REPS2: variants seen among roughly 807,000 people sequenced by gnomAD.
The protein encoded by REPS2 is ralBP1-associated Eps domain-containing protein 2.
REPS2 carries 23 observed loss-of-function variants against 53.6 expected under a neutral mutation model. The observed-to-expected ratio is 0.43, with a 90% CI of 0.31 to 0.61. The LOEUF (loss-of-function observed/expected upper bound fraction) is 0.61. Among genes scored for constraint, REPS2 ranks in the 20% least tolerant of loss-of-function variants. The pLI, the probability that REPS2 is intolerant of heterozygous loss-of-function variation, is 0.11. For synonymous variants in REPS2, 238 were observed against 218.6 expected, an observed-to-expected ratio of 1.09 and a Z score of -0.78; for missense variants, 446 against 534.9, an observed-to-expected ratio of 0.83 and a Z score of 1.64.
chrX:16,990,376 G>A (rs1904526), intron 1 of REPS2, among the ~76,000 whole-genome samples: 1 of 111,158 alleles, frequency 9.0e-6, no homozygotes, highest in Non-Finnish European at 1.9e-5. Flanking sequence ...TTAAGAGGCC[G>A]AGGCGGGTGA....
chrX:17,146,928 G>A (rs1190640516), intron 17 of REPS2, among the ~76,000 whole-genome samples: 4 of 112,032 alleles, frequency 3.6e-5, no homozygotes, highest in African/African-American at 1.3e-4. Context: ...GCAGAAACTT[G>A]GATGAGACTT....
At chrX:17,001,232 GTCT>G (rs1172836773) in intron 1 of REPS2, among the ~76,000 whole-genome samples, 1 of 112,235 alleles carries the variant, frequency 8.9e-6, no homozygotes, top group African/African-American at 3.2e-5. Context: ...CACTCACATG[GTCT>G]TAAAGTACAA....
At chrX:17,087,900 G>A (rs2062558894) in intron 13 of REPS2, among the ~76,000 whole-genome samples, 2 of 109,205 alleles carry the variant, frequency 1.8e-5, no homozygotes, top group African/African-American at 6.7e-5. Flanking sequence ...CTGCAGCCTG[G>A]GCAAGGACAG....
At chrX:16,963,021 C>T (rs780797784) in intron 1 of REPS2, among the ~76,000 whole-genome samples, 1 of 111,332 alleles carries the variant, frequency 9.0e-6, no homozygotes, top group Non-Finnish European at 1.9e-5. Context: ...ATTGCTTGAG[C>T]CCGAAAGGTA....
intron 9 of REPS2, among the ~76,000 whole-genome samples, chrX:17,067,356 G>T (rs917250590): frequency 2.7e-5 from 3 of 111,903 alleles, no homozygotes; most frequent in Non-Finnish European, 5.6e-5. Context: ...ATTGTGAAAT[G>T]ATTACTGCAA....
At chrX:16,990,847 A>G (rs1419538115) in intron 1 of REPS2, among the ~76,000 whole-genome samples, 2 of 111,052 alleles carry the variant, frequency 1.8e-5, no homozygotes, top group African/African-American at 6.6e-5. Flanking sequence ...TTGTCTCAAA[A>G]GGTTTAATTA....
At position 17,009,881 on chromosome X, in the gene REPS2, C is replaced by T. The variant is rs1311701810; in HGVS notation, c.397+3537C>T. On this transcript the variant is annotated intron_variant, in intron 2 of 17. Transcript: ENST00000357277. ...ACAATCTAGTTCTTGCCTACTTTTC[C>T]ATCCTCATCTCAAATCTTAAACCCT... Among the ~76,000 whole-genome samples the T allele has an allele frequency of 6.3e-5, 7 of 111,340 alleles. No individual in the cohort carries two copies. The South Asian group carries it at 2.3e-3, about 36-fold the overall frequency.
At chrX:17,056,345 C>T (rs1173383278) in intron 8 of REPS2, among the ~76,000 whole-genome samples, 3 of 112,170 alleles carry the variant, frequency 2.7e-5, no homozygotes, top group Admixed American at 9.4e-5. Flanking sequence ...CGAGTGTCTC[C>T]GGGTGGCCCT....
intron 1 of REPS2, among the ~76,000 whole-genome samples, chrX:16,982,680 T>C (rs1401252609): frequency 1.8e-5 from 2 of 112,137 alleles, no homozygotes; most frequent in African/African-American, 3.2e-5. Flanking sequence ...GCCACGGATT[T>C]GCTTTGGCTA....
At chrX:16,999,854 G>A (rs2061280728) in intron 1 of REPS2, among the ~76,000 whole-genome samples, 1 of 106,525 alleles carries the variant, frequency 9.4e-6, no homozygotes. Context: ...AGACCATCCC[G>A]GCTAAAACGG....
chrX:17,187,513 A>G, the REPS2 span, among the ~76,000 whole-genome samples: 15,937 of 111,875 alleles, frequency 0.14, 897 homozygotes, highest in African/African-American at 0.18. Flanking sequence ...GGGCCAAAGA[A>G]ACCCAGCCCT....
intron 1 of REPS2, among the ~76,000 whole-genome samples, chrX:16,976,879 G>A (rs991348510): frequency 9.8e-5 from 11 of 111,804 alleles, no homozygotes; most frequent in African/African-American, 2.9e-4. Context: ...GCTGTATGGT[G>A]TTGGGTATCT....
rs373658702 is a variant in REPS2 at position 17,152,403 on chromosome X, A to C, written c.*4922A>C. On this transcript the variant is annotated 3_prime_UTR_variant, in exon 18 of 18. Transcript: ENST00000357277. ...ACAGAAGCCTTGCTCTGCTGTCAACAATTGGGAAATGCTCATTTTTTCATG... is the reference window on the plus strand; with the variant it reads ...ACAGAAGCCTTGCTCTGCTGTCAACCATTGGGAAATGCTCATTTTTTCATG... 3.9e-4 allele frequency: 44 copies of C among 112,250 alleles called. No individual in the cohort carries two copies. The highest frequency in any genetic ancestry group is 1.4e-3 in the African/African-American group (44 of 30,933). 9.3% of individuals were successfully genotyped at this position (112,250 alleles called of 1,213,427 possible). A position where few individuals can be genotyped will look rare whatever the true frequency, so the allele number is the denominator to read the frequency against.
rs1386819521 is a variant in REPS2 at position 17,062,674 on chromosome X, A to T, written c.1209+142A>T. The T allele has an allele frequency of 3.1e-5, 13 of 423,548 alleles. No homozygotes were observed. In the African/African-American group the frequency reaches 3.1e-4, roughly 10 times the overall value. The allele number at this position is 423,548 out of a possible 1,213,427, so 34.9% of individuals were successfully genotyped here. ...TAACATTTCCTTTTCATACTTGGTAATTATTAATACTTTGATGCTCAGCCT... is the reference window on the plus strand; with the variant it reads ...TAACATTTCCTTTTCATACTTGGTATTTATTAATACTTTGATGCTCAGCCT... On this transcript the variant is annotated intron_variant, in intron 9 of 17. Coordinates refer to ENST00000357277, the MANE Select transcript of REPS2 (RefSeq NM_004726.3).
intron 11 of REPS2, among the ~76,000 whole-genome samples, chrX:17,072,466 C>T (rs2062320765): frequency 9.0e-6 from 1 of 111,361 alleles, no homozygotes; most frequent in Non-Finnish European, 1.9e-5. Flanking sequence ...CATCCACACC[C>T]TCACCCCATC....
In REPS2 at chrX:17,141,935, A is replaced by G. The variant is rs187377853; in HGVS notation, c.1914+2974A>G. Among the ~76,000 whole-genome samples the G allele has an allele frequency of 4.4e-3, 489 of 111,885 alleles. 2 individuals carry two copies. Among genetic ancestry groups the G allele is most frequent in the African/African-American group, 0.015 (476 of 30,827 alleles). On this transcript the variant is annotated intron_variant, in intron 17 of 17. Transcript: ENST00000357277. ...CAAAACTTATATGTAAAGGCCAAGGAGCTGGAATTGCTTAAACAAATTTGA... is the reference window on the plus strand; with the variant it reads ...CAAAACTTATATGTAAAGGCCAAGGGGCTGGAATTGCTTAAACAAATTTGA...
intron 6 of REPS2, among the ~76,000 whole-genome samples, chrX:17,048,264 T>C (rs1472660001): frequency 8.9e-6 from 1 of 112,702 alleles, no homozygotes; most frequent in African/African-American, 3.2e-5. Context: ...AATTGAAATA[T>C]ACTTGTATAA....
At chrX:16,985,719 G>A (rs1256961401) in intron 1 of REPS2, among the ~76,000 whole-genome samples, 2 of 112,162 alleles carry the variant, frequency 1.8e-5, no homozygotes, top group African/African-American at 6.5e-5. Flanking sequence ...ATTTTACTCT[G>A]TCCAGTGTAG....
chrX:17,158,961 A>G, the REPS2 span, among the ~76,000 whole-genome samples: 3 of 112,395 alleles, frequency 2.7e-5, no homozygotes, highest in Non-Finnish European at 5.6e-5. Flanking sequence ...TTTCCAAATA[A>G]TAAGAATTTT....
Sources: gnomAD v4.1 joint callset for allele counts (sites outside exome capture counted in the v4.1 genomes callset) on GRCh38, gnomAD v4.1.1 for gene constraint, MANE v1.5 for transcripts, NCBI Gene and HGNC (gene_info 2026-07-23, HGNC 2026-07-21) for gene names.